The following CDK12 variants were observed in gnomAD, a reference collection of about 807,000 sequenced individuals.
CDK12 encodes the protein cyclin-dependent kinase 12.
CDK12 carries 17 observed loss-of-function variants against 133.8 expected under a neutral mutation model. The observed-to-expected ratio is 0.13, with a 90% CI of 0.09 to 0.19. CDK12 has a LOEUF of 0.19. CDK12 is among the 10% of genes least tolerant of loss of function. The probability of loss-of-function intolerance (pLI) is 1.00; values close to 1 mark genes in which losing one functional copy is unlikely to be tolerated. For missense variants in CDK12, 1,508 were observed against 1,818.7 expected, an observed-to-expected ratio of 0.83 and a Z score of 3.11; for synonymous variants, 694 against 683.6, an observed-to-expected ratio of 1.02 and a Z score of -0.24.
At chr17:39,485,663 C>T (rs779357608) in intron 2 of CDK12, among the ~76,000 whole-genome samples, 18 of 151,600 alleles carry the variant, frequency 1.2e-4, no homozygotes, top group African/African-American at 1.7e-4. Flanking sequence ...TCCCCGGCCT[C>T]GGCCCCCTAA....
intron 3 of CDK12, among the ~76,000 whole-genome samples, chr17:39,562,041 G>A (rs1392692698): frequency 1.3e-5 from 2 of 152,234 alleles, no homozygotes; most frequent in African/African-American, 2.4e-5. Context: ...CTGGGTTCAA[G>A]CGATTCTCCT....
At chr17:39,495,858 T>C (rs1056496880) in intron 5 of CDK12, among the ~76,000 whole-genome samples, 39 of 152,078 alleles carry the variant, frequency 2.6e-4, no homozygotes, top group African/African-American at 9.2e-4. Flanking sequence ...CTACCATCCA[T>C]GGAAAACCAC....
In CDK12 at chr17:39,472,329, C is replaced by T. The variant is rs956836540; in HGVS notation, c.1931+566C>T. On this transcript the variant is annotated intron_variant, in intron 2 of 13. Transcript: ENST00000447079. ...ATTTTGATTAAAATTTTAAAAAAAT[C>T]GAGTTTTCCCTTAAATTTTTGTTGA... Among the ~76,000 whole-genome samples the T allele has an allele frequency of 5.8e-4, 88 of 150,646 alleles. 1 individual carries two copies. The highest frequency in any genetic ancestry group is 3.7e-4 in the Non-Finnish European group (25 of 67,658).
chr17:39,565,490 A>G (rs939557262), downstream of CDK12, among the ~76,000 whole-genome samples: 5 of 150,572 alleles, frequency 3.3e-5, no homozygotes, highest in African/African-American at 1.2e-4. Flanking sequence ...CTGGAGTACA[A>G]TGGCATGATC....
intron 6 of CDK12, among the ~76,000 whole-genome samples, chr17:39,508,185 G>C (rs897524489): frequency 4.6e-5 from 7 of 152,126 alleles, no homozygotes; most frequent in African/African-American, 1.7e-4. Flanking sequence ...AAAAGTTTCA[G>C]ATTTTGCTTC....
chr17:39,476,711 C>CATTTTTTTTTTTTTTTTTTTTTT lies in CDK12; in HGVS notation c.1931+4948_1931+4949insATTTTTTTTTTTTTTTTTTTTTT, dbSNP rs1555553398. Among the ~76,000 whole-genome samples, 46 of 84,534 alleles carry CATTTTTTTTTTTTTTTTTTTTTT rather than the reference C, an allele frequency of 5.4e-4. 14 individuals are homozygous for CATTTTTTTTTTTTTTTTTTTTTT. Among genetic ancestry groups the CATTTTTTTTTTTTTTTTTTTTTT allele is most frequent in the South Asian group, 7.1e-4 (2 of 2,810 alleles). 55.5% of individuals were successfully genotyped at this position (84,534 alleles called of 152,430 possible). On this transcript the variant is annotated intron_variant, in intron 2 of 13. Transcript: ENST00000447079. ...TACAGGCATGAGCCACCATGCCTGC[C>CATTTTTTTTTTTTTTTTTTTTTT]TTTTTTTTTTTTTTTTTTTTTTTTT...
chr17:39,531,457 C>A lies in CDK12; in HGVS notation c.*141C>A. 1.3e-6 allele frequency: 1 copy of A among 787,850 alleles called. No homozygotes were observed. The highest frequency in any genetic ancestry group is 1.8e-6 in the Non-Finnish European group (1 of 559,092). The allele number at this position is 787,850 out of a possible 1,614,324, so 48.8% of individuals were successfully genotyped here. A position where few individuals can be genotyped will look rare whatever the true frequency, so the allele number is the denominator to read the frequency against. On this transcript the variant is annotated 3_prime_UTR_variant, in exon 14 of 14. Coordinates refer to ENST00000447079, the MANE Select transcript of CDK12 (RefSeq NM_016507.4). The stretch of plus-strand genomic sequence containing the variant: ...GCAAAGCTGTCCGTTGTATTCCTTG[C>A]TCACTTGCTACTAGCAGGCGACTTA...
chr17:39,470,024 T>C (rs2049669455), intron 1 of CDK12, among the ~76,000 whole-genome samples: 1 of 152,222 alleles, frequency 6.6e-6, no homozygotes, highest in Non-Finnish European at 1.5e-5. Flanking sequence ...GCTGTTTCTT[T>C]TCCAATGTGG....
At chr17:39,552,963 A>G (rs986188963) in intron 2 of CDK12, among the ~76,000 whole-genome samples, 23 of 152,156 alleles carry the variant, frequency 1.5e-4, no homozygotes, top group African/African-American at 4.8e-4. Context: ...TCCTGACCTC[A>G]AGTGATCCGC....
chr17:39,564,175 G>A, intron 3 of CDK12, among the ~76,000 whole-genome samples: 1 of 152,138 alleles, frequency 6.6e-6, no homozygotes, highest in South Asian at 2.1e-4. Context: ...CCCCTCCTTT[G>A]TAGTCTTAAT....
At chr17:39,485,031 G>A (rs754537932) in intron 2 of CDK12, among the ~76,000 whole-genome samples, 12 of 151,668 alleles carry the variant, frequency 7.9e-5, no homozygotes, top group Admixed American at 5.9e-4. Context: ...TTAGCCAGGC[G>A]TGATGGTGGG....
intron 6 of CDK12, among the ~76,000 whole-genome samples, chr17:39,503,940 A>T (rs1331757471): frequency 6.6e-6 from 1 of 152,234 alleles, no homozygotes; most frequent in African/African-American, 2.4e-5. Flanking sequence ...TCACCAAATT[A>T]TCAGTTTATG....
At chr17:39,481,861 C>T (rs2050738159) in intron 2 of CDK12, among the ~76,000 whole-genome samples, 2 of 151,590 alleles carry the variant, frequency 1.3e-5, no homozygotes, top group African/African-American at 4.8e-5. Context: ...GCTGGGATTA[C>T]AGGCAAGCGC....
Position 39,515,880 on chromosome 17 carries a change from C to T in CDK12, c.2846+72C>T, listed in dbSNP as rs2053769914. 8.4e-6 allele frequency: 8 copies of T among 956,108 alleles called. No homozygotes were observed. The East Asian group carries it at 1.5e-4, about 18-fold the overall frequency. The allele number at this position is 956,108 out of a possible 1,614,324, so 59.2% of individuals were successfully genotyped here. Reference sequence around the variant, plus strand: ...CTCATCCTCCAGTTTCTAACACTTTCTAGTCATTCTGAATGAGTTTATGTT... The same window carrying T: ...CTCATCCTCCAGTTTCTAACACTTTTTAGTCATTCTGAATGAGTTTATGTT... On this transcript the variant is annotated intron_variant, in intron 9 of 13. Coordinates refer to ENST00000447079, the MANE Select transcript of CDK12 (RefSeq NM_016507.4).
rs183378685 is a variant in CDK12, at chr17:39,522,700, C to T, written c.3096-1974C>T. On this transcript the variant is annotated intron_variant, in intron 11 of 13. Transcript: ENST00000447079. ...TCGCCTGCCTCGTCCTCCCAAAGTGCTGTGATTATAGGCGTGAGCTACCGC... is the reference window on the plus strand; with the variant it reads ...TCGCCTGCCTCGTCCTCCCAAAGTGTTGTGATTATAGGCGTGAGCTACCGC... Among the ~76,000 whole-genome samples the T allele has an allele frequency of 6.3e-3, 956 of 152,264 alleles. 6 individuals carry two copies. The highest frequency in any genetic ancestry group is 0.01 in the Middle Eastern group (3 of 294).
intron 3 of CDK12, among the ~76,000 whole-genome samples, chr17:39,492,446 C>T (rs1203477599): frequency 7.6e-5 from 9 of 118,162 alleles, no homozygotes; most frequent in East Asian, 5.1e-4. Flanking sequence ...CTTGCTCTGT[C>T]GCCCAGGCTG....
intron 4 of CDK12, among the ~76,000 whole-genome samples, 182 bp from the exon 5 acceptor site, chr17:39,494,342 G>A (rs1411056213): frequency 6.6e-6 from 1 of 152,166 alleles, no homozygotes; most frequent in Non-Finnish European, 1.5e-5. Context: ...CAAAGTGTTG[G>A]GATTACAGGT....
chr17:39,521,899 A>T (rs2146619665), intron 11 of CDK12, among the ~76,000 whole-genome samples: 1 of 147,960 alleles, frequency 6.8e-6, no homozygotes, highest in South Asian at 2.1e-4. Context: ...ATGGAGTCTC[A>T]CAATGTTGTC....
chr17:39,525,880 A>G lies in CDK12; in HGVS notation c.3324A>G (p.Thr1108=). Residue 1108 remains threonine, a synonymous_variant, in exon 13 of 14, where the codon ACA becomes ACG. Transcript: ENST00000447079. ...TTTCAACAGGCCTTGCTGACATCAC[A>G]CAACAGCTGAATCAAAGTGAATTGG... The part of the protein sequence containing the change: ...AGDAIGLADI[T]QQLNQSELAV... 2 of 1,613,984 alleles carry G rather than the reference A, an allele frequency of 1.2e-6. No homozygotes were observed. The highest frequency in any genetic ancestry group is 8.5e-7 in the Non-Finnish European group (1 of 1,179,870).
Sources: gnomAD v4.1 joint callset for allele counts (sites outside exome capture counted in the v4.1 genomes callset) on GRCh38, gnomAD v4.1.1 for gene constraint, MANE v1.5 for transcripts, NCBI Gene and HGNC (gene_info 2026-07-23, HGNC 2026-07-21) for gene names.